The following PRKCA variants were observed in gnomAD, a reference collection of about 807,000 sequenced individuals.
The protein encoded by PRKCA is protein kinase C alpha type.
Under a neutral mutation model 87.0 loss-of-function variants are expected in PRKCA, and 27 were observed. The ratio of observed to expected loss-of-function variants is 0.31; its 90% CI spans 0.23 to 0.43. The LOEUF (loss-of-function observed/expected upper bound fraction) is 0.43, where lower values mean the gene tolerates loss of function less well. Ranked by LOEUF, PRKCA falls within the 20% of genes least tolerant of loss-of-function variation. The pLI is 1.00. For missense variants in PRKCA, 518 were observed against 852.3 expected, an observed-to-expected ratio of 0.61 and a Z score of 4.88; for synonymous variants, 329 against 311.1, an observed-to-expected ratio of 1.06 and a Z score of -0.61.
intron 14 of PRKCA, among the ~76,000 whole-genome samples, chr17:66,776,309 G>A (rs772729348): frequency 3.3e-5 from 5 of 152,062 alleles, no homozygotes; most frequent in African/African-American, 7.2e-5. Flanking sequence ...AGCTGTTTCT[G>A]TTTTGTTTTG....
chr17:66,452,895 A>T (rs1031364839), intron 2 of PRKCA, among the ~76,000 whole-genome samples: 3 of 152,148 alleles, frequency 2.0e-5, no homozygotes, highest in African/African-American at 7.2e-5. Flanking sequence ...CAAACAAAAC[A>T]CATAACTAGA....
At position 66,468,882 on chromosome 17, in the gene PRKCA, C is replaced by G. The variant is rs150075610; in HGVS notation, c.206-27319C>G. 2.8e-3 allele frequency among the ~76,000 whole-genome samples: 432 copies of G among 152,242 alleles called. 1 individual carries two copies. Among genetic ancestry groups the G allele is most frequent in the African/African-American group, 0.01 (416 of 41,524 alleles). ...CTATTTTGCAATCCTCTCTATTTCC[C>G]CTGAAGGTTCTGCTTTGAATGCTGT... On this transcript the variant is annotated intron_variant, in intron 2 of 16. Coordinates refer to ENST00000413366, the MANE Select transcript of PRKCA (RefSeq NM_002737.3).
chr17:66,645,811 CAG>C (rs61762403), intron 5 of PRKCA, among the ~76,000 whole-genome samples: 2,627 of 152,292 alleles, frequency 0.017, 76 homozygotes, highest in African/African-American at 0.058. Flanking sequence ...CTCCCGGTGA[CAG>C]GGGGTCAGGG....
At chr17:66,687,491 T>C (rs1202908112) in intron 6 of PRKCA, among the ~76,000 whole-genome samples, 1 of 152,214 alleles carries the variant, frequency 6.6e-6, no homozygotes, top group Non-Finnish European at 1.5e-5. Context: ...ATTATTATTA[T>C]CTAATCTGGA....
intron 2 of PRKCA, among the ~76,000 whole-genome samples, chr17:66,428,506 CTT>C (rs879722559): frequency 1.9e-4 from 26 of 140,074 alleles, no homozygotes; most frequent in East Asian, 2.1e-4. Context: ...ATTTTTCTTT[CTT>C]TTTTTTTTTT....
chr17:66,326,017 C>G (rs35433169), intron 2 of PRKCA, among the ~76,000 whole-genome samples: 57,271 of 151,896 alleles, frequency 0.38, 10,885 homozygotes, highest in Middle Eastern at 0.54. Flanking sequence ...GTACTAGTTA[C>G]TAGGAATAAC....
intron 2 of PRKCA, among the ~76,000 whole-genome samples, chr17:66,314,203 C>T (rs919681688): frequency 1.3e-5 from 2 of 152,064 alleles, no homozygotes; most frequent in African/African-American, 4.8e-5. Context: ...AGAATGATGC[C>T]ATTATGAAAC....
Position 66,805,815 on chromosome 17 carries a change from TCTTCC to T in PRKCA, c.*1783_*1787del, listed in dbSNP as rs1242522058. On this transcript the variant is annotated 3_prime_UTR_variant, in exon 17 of 17. Coordinates refer to ENST00000413366, the MANE Select transcript of PRKCA (RefSeq NM_002737.3). ...GTGTGTGCGTGTGTGTGTGTTTCCTTCTTCCCTTCAGCCTGTGACTGTTGCTGACT... is the reference window on the plus strand; with the variant it reads ...GTGTGTGCGTGTGTGTGTGTTTCCTTCTTCAGCCTGTGACTGTTGCTGACT... 1 of 150,326 alleles carries T rather than the reference TCTTCC, an allele frequency of 6.7e-6. No homozygotes were observed. Among genetic ancestry groups the T allele is most frequent in the Non-Finnish European group, 1.5e-5 (1 of 67,578 alleles). 9.3% of individuals were successfully genotyped at this position (150,326 alleles called of 1,614,324 possible).
intron 3 of PRKCA, among the ~76,000 whole-genome samples, chr17:66,540,545 G>C (rs2361487): frequency 0.14 from 21,980 of 152,232 alleles, 1,833 homozygotes; most frequent in East Asian, 0.19. Flanking sequence ...GCTGCAGTTA[G>C]AAGCAGCACT....
rs548898692 is a variant in PRKCA, at chr17:66,776,699, C to T, written c.1605+2632C>T. On this transcript the variant is annotated intron_variant, in intron 14 of 16. Transcript: ENST00000413366. ...AAGTACACTTGGAAGAGGGCCAAGCCGGCGACTTGAGAGATCTAGTGCACT... is the reference window on the plus strand; with the variant it reads ...AAGTACACTTGGAAGAGGGCCAAGCTGGCGACTTGAGAGATCTAGTGCACT... Among the ~76,000 whole-genome samples the T allele has an allele frequency of 3.9e-5, 6 of 152,100 alleles. No individual in the cohort carries two copies. In the South Asian group the frequency reaches 6.2e-4, roughly 16 times the overall value.
chr17:66,692,322 A>G (rs1055748142), intron 8 of PRKCA, among the ~76,000 whole-genome samples: 2 of 152,240 alleles, frequency 1.3e-5, no homozygotes, highest in Admixed American at 1.3e-4. Flanking sequence ...CACAACTGCA[A>G]GAGACTGGGC....
chr17:66,649,588 C>T (rs1253414102), intron 5 of PRKCA, among the ~76,000 whole-genome samples: 1 of 152,214 alleles, frequency 6.6e-6, no homozygotes, highest in Non-Finnish European at 1.5e-5. Flanking sequence ...CTGGCTTCCA[C>T]ACTCTTGCTT....
intron 2 of PRKCA, among the ~76,000 whole-genome samples, chr17:66,361,533 A>C (rs1908391659): frequency 6.6e-6 from 1 of 150,862 alleles, no homozygotes; most frequent in South Asian, 2.1e-4. Context: ...CTGATCTTGA[A>C]CTCCTGACCT....
At chr17:66,547,566 C>G (rs1051434550) in intron 3 of PRKCA, among the ~76,000 whole-genome samples, 1 of 152,166 alleles carries the variant, frequency 6.6e-6, no homozygotes, top group African/African-American at 2.4e-5. Flanking sequence ...TTATAAATGA[C>G]TAAATGTTCC....
intron 3 of PRKCA, among the ~76,000 whole-genome samples, chr17:66,525,639 G>C (rs1420515868): frequency 1.3e-5 from 2 of 152,192 alleles, no homozygotes; most frequent in East Asian, 3.9e-4. Flanking sequence ...AAAGGTATGG[G>C]ACTAACATGA....
intron 13 of PRKCA, among the ~76,000 whole-genome samples, chr17:66,768,606 G>A (rs1974862267): frequency 6.6e-6 from 1 of 152,216 alleles, no homozygotes; most frequent in Admixed American, 6.5e-5. Context: ...ATGGCGGAAG[G>A]CAGAGGGGAA....
intron 8 of PRKCA, among the ~76,000 whole-genome samples, chr17:66,727,419 G>A (rs1434605483): frequency 6.6e-6 from 1 of 152,064 alleles, no homozygotes; most frequent in African/African-American, 2.4e-5. Context: ...GGTGTTCCTG[G>A]AACGGCCGTG....
intron 2 of PRKCA, among the ~76,000 whole-genome samples, chr17:66,330,129 G>A (rs1397304433): frequency 5.5e-5 from 8 of 144,602 alleles, no homozygotes. Flanking sequence ...TTTTTAAACA[G>A]AGTTTCACTC....
chr17:66,800,581 TCTC>T (rs1284832783), intron 16 of PRKCA, among the ~76,000 whole-genome samples: 2 of 152,178 alleles, frequency 1.3e-5, no homozygotes, highest in Non-Finnish European at 2.9e-5. Context: ...GCTTGGGAAA[TCTC>T]CTTTTAGTTT....
Sources: allele counts gnomAD v4.1 joint callset (sites outside exome capture counted in the v4.1 genomes callset), GRCh38; gene constraint gnomAD v4.1.1; transcripts MANE v1.5; gene names NCBI Gene and HGNC (gene_info 2026-07-23, HGNC 2026-07-21).